SCUBE1: variants seen among roughly 807,000 people sequenced by gnomAD.
SCUBE1 encodes signal peptide, CUB domain and EGF like domain containing 1.
SCUBE1 carries 59 observed loss-of-function variants against 124.4 expected under a neutral mutation model. The observed-to-expected ratio is 0.47, with a 90% confidence interval of 0.38 to 0.59. The LOEUF (loss-of-function observed/expected upper bound fraction) is 0.59. Ranked by LOEUF, SCUBE1 falls within the 20% of genes least tolerant of loss-of-function variation. The pLI is 0.00. For missense variants in SCUBE1, 1,150 were observed against 1,371.2 expected, an observed-to-expected ratio of 0.84 and a Z score of 2.55; for synonymous variants, 545 against 550.9, an observed-to-expected ratio of 0.99 and a Z score of 0.15.
At chr22:43,297,667 C>T (rs181601588) in intron 3 of SCUBE1, among the ~76,000 whole-genome samples, 6 of 152,326 alleles carry the variant, frequency 3.9e-5, no homozygotes, top group South Asian at 2.1e-4. Context: ...CCAGTTTCCC[C>T]GGGAGGTGTG....
intron 3 of SCUBE1, among the ~76,000 whole-genome samples, chr22:43,308,382 T>C (rs926105275): frequency 3.9e-5 from 6 of 152,332 alleles, no homozygotes; most frequent in African/African-American, 9.6e-5. Context: ...AAGAAACCTC[T>C]TGAGTTTACT....
At chr22:43,209,390 T>C (rs1208255212) in intron 19 of SCUBE1, among the ~76,000 whole-genome samples, 2 of 152,166 alleles carry the variant, frequency 1.3e-5, no homozygotes, top group Admixed American at 6.5e-5. Context: ...CTGCAGGTAT[T>C]TGGCTGGTGC....
At chr22:43,338,512 T>G (rs73166122) in intron 2 of SCUBE1, among the ~76,000 whole-genome samples, 6,563 of 152,224 alleles carry the variant, frequency 0.043, 213 homozygotes, top group Middle Eastern at 0.1. Flanking sequence ...ATGCTTCATC[T>G]TAATTTCTTT....
intron 4 of SCUBE1, among the ~76,000 whole-genome samples, chr22:43,269,393 T>C (rs1924204109): frequency 6.6e-6 from 1 of 152,170 alleles, no homozygotes; most frequent in African/African-American, 2.4e-5. Context: ...AATGCAAAGT[T>C]CACGGATGCA....
At chr22:43,237,155 C>T (rs1019578655) in intron 7 of SCUBE1, among the ~76,000 whole-genome samples, 9 of 152,116 alleles carry the variant, frequency 5.9e-5, no homozygotes, top group East Asian at 1.9e-4. Context: ...CACTCCTGAG[C>T]GCCACCCTAC....
chr22:43,227,294 C>T (rs1170770162), intron 10 of SCUBE1, 80 bp downstream of exon 10: 5 of 1,497,956 alleles, frequency 3.3e-6, no homozygotes, highest in South Asian at 1.2e-5. Flanking sequence ...CCTGCTCACC[C>T]CCACCTCAGA....
intron 7 of SCUBE1, among the ~76,000 whole-genome samples, chr22:43,237,132 G>A (rs1922801274): frequency 1.3e-5 from 2 of 152,160 alleles, no homozygotes; most frequent in Admixed American, 1.3e-4. Context: ...GGTTGTCTTG[G>A]GGCTGTGGAC....
At chr22:43,254,368 A>T (rs555196255) in intron 6 of SCUBE1, among the ~76,000 whole-genome samples, 1 of 152,288 alleles carries the variant, frequency 6.6e-6, no homozygotes, top group South Asian at 2.1e-4. Flanking sequence ...ACACAAGGCC[A>T]TATCCCCTGT....
At chr22:43,309,224 C>G (rs990015526) in intron 3 of SCUBE1, among the ~76,000 whole-genome samples, 1 of 152,228 alleles carries the variant, frequency 6.6e-6, no homozygotes, top group African/African-American at 2.4e-5. Context: ...TCTGTTGAGA[C>G]CTTGCCCTGT....
At chr22:43,238,511 C>T in intron 7 of SCUBE1, 1 of 584,476 alleles carries the variant, frequency 1.7e-6, no homozygotes, top group South Asian at 2.2e-5. Context: ...ACTGAGGGCC[C>T]AGGAAGTCCC....
In SCUBE1 at chr22:43,258,836, C is replaced by T. The variant is rs961010471; in HGVS notation, c.611-501G>A. On this transcript the variant is annotated intron_variant, in intron 5 of 21. Coordinates refer to ENST00000360835, the MANE Select transcript of SCUBE1 (RefSeq NM_173050.5). This position sits in a 1 kb window ranked among gnomAD's most constrained non-coding sequence, Gnocchi z 5.0. ...GTCTTGGGGTGTGTGGATGTCTCCA[C>T]GGAGGTCCCCCCTCAGAGTCCCAGG... is the stretch of plus-strand genomic sequence containing the variant. 9.2e-5 allele frequency among the ~76,000 whole-genome samples: 14 copies of T among 152,266 alleles called. No homozygotes were observed. The highest frequency in any genetic ancestry group is 1.2e-4 in the African/African-American group (5 of 41,544).
chr22:43,272,966 G>C (rs1924350205), intron 4 of SCUBE1, among the ~76,000 whole-genome samples: 1 of 152,166 alleles, frequency 6.6e-6, no homozygotes, highest in African/African-American at 2.4e-5. Context: ...TCCCACTTTC[G>C]GTCAAGCTCA....
rs779827923 is a variant in SCUBE1 at position 43,258,382 on chromosome 22, A to G, written c.611-47T>C. On this transcript the variant is annotated intron_variant, in intron 5 of 21. Transcript: ENST00000360835. This position sits in a 1 kb window ranked among gnomAD's most constrained non-coding sequence, Gnocchi z 5.0. ...ACACGGGTGTATAAACAGAACAACAAAAACGGTTAGTTTGCCGGTGTTGGC... is the reference window on the plus strand; with the variant it reads ...ACACGGGTGTATAAACAGAACAACAGAAACGGTTAGTTTGCCGGTGTTGGC... 6 of 1,418,964 alleles carry G rather than the reference A, an allele frequency of 4.2e-6. No individual in the cohort carries two copies. The highest frequency in any genetic ancestry group is 6.0e-6 in the Non-Finnish European group (6 of 1,002,260). 87.9% of individuals were successfully genotyped at this position (1,418,964 alleles called of 1,614,324 possible). A position where few individuals can be genotyped will look rare whatever the true frequency, so the allele number is the denominator to read the frequency against.
chr22:43,319,793 G>A, intron 3 of SCUBE1, 144 bp downstream of exon 3: 2 of 926,092 alleles, frequency 2.2e-6, no homozygotes, highest in Admixed American at 2.7e-5. Context: ...CACCCAGTCT[G>A]TGGTATTTTG....
chr22:43,289,799 G>A (rs1409073537), intron 4 of SCUBE1, among the ~76,000 whole-genome samples: 1 of 152,192 alleles, frequency 6.6e-6, no homozygotes, highest in African/African-American at 2.4e-5. Flanking sequence ...GGCTTCCAGC[G>A]TGGGAGAGGA....
At chr22:43,284,148 G>A (rs1210105350) in intron 4 of SCUBE1, among the ~76,000 whole-genome samples, 1 of 152,250 alleles carries the variant, frequency 6.6e-6, no homozygotes, top group Non-Finnish European at 1.5e-5. Context: ...CAGTTAATAA[G>A]AGCAGTGTCG....
At chr22:43,302,535 T>A (rs1925814215) in intron 3 of SCUBE1, among the ~76,000 whole-genome samples, 1 of 152,156 alleles carries the variant, frequency 6.6e-6, no homozygotes, top group Non-Finnish European at 1.5e-5. Flanking sequence ...CACTCTTTGT[T>A]ACAGTTATCT....
intron 2 of SCUBE1, among the ~76,000 whole-genome samples, chr22:43,332,415 C>G (rs1926931400): frequency 6.6e-6 from 1 of 152,226 alleles, no homozygotes; most frequent in African/African-American, 2.4e-5. Flanking sequence ...CTGTCTCAGA[C>G]CAGCCAGCAG....
chr22:43,262,833 C>T lies in SCUBE1; in HGVS notation c.497G>A (p.Cys166Tyr). ...CIHRSNEGMN[C>Y]MNKDHGCAHI... ...GGCACAGCCATGGTCTTTGTTCATG[C>T]AGTTCATACCCTCTGGGAAGAGAGA... is the stretch of plus-strand genomic sequence containing the variant. Residue 166 changes from cysteine (C) to tyrosine (Y), a missense_variant, in exon 5 of 22, where the codon TGC becomes TAC. By Grantham distance (194) the Cys-to-Tyr change is radical. Coordinates refer to ENST00000360835, the MANE Select transcript of SCUBE1 (RefSeq NM_173050.5). 6.2e-7 allele frequency: 1 copy of T among 1,613,964 alleles called. No homozygotes were observed. The highest frequency in any genetic ancestry group is 8.5e-7 in the Non-Finnish European group (1 of 1,179,858).
Sources: allele counts gnomAD v4.1 joint callset (sites outside exome capture counted in the v4.1 genomes callset), GRCh38; gene constraint gnomAD v4.1.1; non-coding constraint Gnocchi (gnomAD v3.1); transcripts MANE v1.5; gene names NCBI Gene and HGNC (gene_info 2026-07-23, HGNC 2026-07-21).